The following MYO18A variants were observed in gnomAD, a reference collection of about 807,000 sequenced individuals.
MYO18A encodes the protein unconventional myosin-XVIIIa.
In MYO18A, 78 loss-of-function variants were observed where a neutral mutation model predicts 235.8. That is an observed-to-expected ratio of 0.33 (90% CI 0.28 to 0.40). The LOEUF (loss-of-function observed/expected upper bound fraction) is 0.40. MYO18A is among the 10% of genes least tolerant of loss of function. The probability of loss-of-function intolerance (pLI) is 1.00; values close to 1 mark genes in which losing one functional copy is unlikely to be tolerated. For synonymous variants in MYO18A, 977 were observed against 1,077.8 expected, an observed-to-expected ratio of 0.91 and a Z score of 1.83; for missense variants, 2,215 against 2,699.3, an observed-to-expected ratio of 0.82 and a Z score of 3.98.
chr17:29,086,413 A>C, intron 39 of MYO18A, 25 bp downstream of exon 39: 1 of 1,575,980 alleles, frequency 6.3e-7, no homozygotes, highest in Non-Finnish European at 8.6e-7. Flanking sequence ...TGCTAGCTGC[A>C]GATGCCCCAG....
At chr17:29,178,177 G>A (rs2068574452) in intron 1 of MYO18A, among the ~76,000 whole-genome samples, 1 of 152,196 alleles carries the variant, frequency 6.6e-6, no homozygotes, top group Non-Finnish European at 1.5e-5. Context: ...CAGCCCAGGA[G>A]TGAGGCTGAG....
At chr17:29,127,768 G>T in intron 2 of MYO18A, 3 of 814,064 alleles carry the variant, frequency 3.7e-6, no homozygotes, top group Non-Finnish European at 3.0e-6. Context: ...CGCTGAGGTC[G>T]CTTGGGGAAG....
chr17:29,091,456 G>A (rs1191528178), intron 34 of MYO18A: 1 of 353,678 alleles, frequency 2.8e-6, no homozygotes, highest in Non-Finnish European at 5.6e-6. Flanking sequence ...CTATTAGCCT[G>A]TAATTCCAAA....
chr17:29,173,060 G>A (rs1187820021), intron 1 of MYO18A, among the ~76,000 whole-genome samples: 1 of 151,754 alleles, frequency 6.6e-6, no homozygotes, highest in Non-Finnish European at 1.5e-5. Context: ...ACACAAATTG[G>A]TAGGTTGGTG....
Position 29,111,860 on chromosome 17 carries a change from G to C in MYO18A, c.2602C>G (p.Arg868Gly), listed in dbSNP as rs371971284. Residue 868 changes from arginine to glycine, a missense_variant, in exon 16 of 42, where the codon CGC becomes GGC. Arg to Gly is a moderately radical substitution (Grantham distance 125). Transcript: ENST00000527372. This position sits in a 1 kb window ranked among gnomAD's most constrained non-coding sequence, Gnocchi z 5.1. ...VDQASHQSLV[R>G]SLARTDEARG... ...GCCTCGTCTGTGCGGGCCAGCGAGC[G>C]GACCTACAGAGAAGGAAGGAAATCC... 2 of 1,607,664 alleles carry C rather than the reference G, an allele frequency of 1.2e-6. No individual in the cohort carries two copies. Among genetic ancestry groups the C allele is most frequent in the South Asian group, 1.1e-5 (1 of 90,442 alleles).
At chr17:29,132,959 C>T (rs1202679724) in intron 2 of MYO18A, among the ~76,000 whole-genome samples, 2 of 152,212 alleles carry the variant, frequency 1.3e-5, no homozygotes, top group African/African-American at 4.8e-5. Flanking sequence ...AGTTCTGGGG[C>T]ACACAGGTTA....
rs1453465498 is a variant in MYO18A at position 29,167,039 on chromosome 17, C to CA, written c.-81-19dup. On this transcript the variant is annotated intron_variant, in intron 1 of 41. Coordinates refer to ENST00000527372, the MANE Select transcript of MYO18A (RefSeq NM_078471.4). ...CTTTGCTGCTGCAAACAGAAACACA[C>CA]AGAGAGAAAGGTTATTCGAACAGAG... 105 of 1,437,216 alleles carry CA rather than the reference C, an allele frequency of 7.3e-5. No individual in the cohort carries two copies. Among genetic ancestry groups the CA allele is most frequent in the Non-Finnish European group, 9.1e-5 (100 of 1,093,264 alleles). The allele number at this position is 1,437,216 out of a possible 1,614,324, so 89.0% of individuals were successfully genotyped here.
Position 29,092,385 on chromosome 17 carries a change from G to C in MYO18A, c.5145C>G (p.Asp1715Glu). ...CGATGTCATCAATCTGCAGGTGCAG[G>C]TCTTCGATCTCCACCTCCATTGCTT... ...ARKAMEVEIE[D>E]LHLQIDDIAK... Residue 1715 changes from aspartate (D) to glutamate (E), a missense_variant, in exon 34 of 42, where the codon GAC (aspartate) becomes GAG (glutamate). Asp to Glu is a conservative substitution (Grantham distance 45, BLOSUM62 2). Transcript: ENST00000527372. 6.2e-7 allele frequency: 1 copy of C among 1,612,270 alleles called. No homozygotes were observed. Among genetic ancestry groups the C allele is most frequent in the Non-Finnish European group, 8.5e-7 (1 of 1,179,840 alleles).
intron 8 of MYO18A, 126 bp downstream of exon 8, chr17:29,119,209 C>T: frequency 3.0e-6 from 2 of 671,166 alleles, no homozygotes; most frequent in Non-Finnish European, 2.6e-6. Context: ...ACATAGCAGA[C>T]ATGCACTGAC....
intron 41 of MYO18A, chr17:29,079,661 C>T: frequency 1.0e-6 from 1 of 963,198 alleles, no homozygotes; most frequent in Non-Finnish European, 1.2e-6. Flanking sequence ...GCCTGAGGGG[C>T]AGGGAGGACG....
intron 38 of MYO18A, 81 bp downstream of exon 38, chr17:29,086,855 A>G: frequency 6.8e-7 from 1 of 1,459,956 alleles, no homozygotes; most frequent in Non-Finnish European, 9.2e-7. Context: ...CCCTATCCTC[A>G]ACCAGGCCAG....
Position 29,109,822 on chromosome 17 carries a change from AAG to A in MYO18A, c.3331+34_3331+35del, listed in dbSNP as rs2066883152. On this transcript the variant is annotated intron_variant, in intron 19 of 41. Coordinates refer to ENST00000527372, the MANE Select transcript of MYO18A (RefSeq NM_078471.4). The surrounding 1 kb of genome is among the most constrained non-coding windows in gnomAD (Gnocchi z 4.1). The stretch of plus-strand genomic sequence containing the variant: ...GGGCCGGGCAGGGCCAGCTCTGGAA[AAG>A]AGAGCCCAGAGTGGAGAGGAAAGGA... 5.8e-6 allele frequency: 9 copies of A among 1,539,908 alleles called. No individual in the cohort carries two copies. The highest frequency in any genetic ancestry group is 2.0e-5 in the Admixed American group (1 of 50,754).
intron 2 of MYO18A, among the ~76,000 whole-genome samples, chr17:29,139,991 C>CAAAAA (rs1264225503): frequency 1.3e-5 from 2 of 152,006 alleles, no homozygotes; most frequent in Non-Finnish European, 2.9e-5. Flanking sequence ...GAATGAAGGC[C>CAAAAA]AAAAAAGCAC....
chr17:29,080,300 G>C lies in MYO18A; in HGVS notation c.6020+2016C>G, dbSNP rs1461190450. 7 of 985,946 alleles carry C rather than the reference G, an allele frequency of 7.1e-6. No individual in the cohort carries two copies. The East Asian group carries it at 6.8e-4, about 96-fold the overall frequency. 61.1% of individuals were successfully genotyped at this position (985,946 alleles called of 1,614,324 possible). A position where few individuals can be genotyped will look rare whatever the true frequency, so the allele number is the denominator to read the frequency against. On this transcript the variant is annotated intron_variant, in intron 41 of 41. Transcript: ENST00000527372. ...AGGTCTGGGTCCAGGTAGGAGTGAC[G>C]GCTGACGGAGCGGACGCTGGAGCTG...
In MYO18A at chr17:29,106,979, A is replaced by G; in HGVS notation, c.3441+101T>C. The stretch of plus-strand genomic sequence containing the variant: ...CAAAACTGGGAGCCTGAGCAGGGCC[A>G]GATGAGCTGTCTCCAGGGAAGGGAA... On this transcript the variant is annotated intron_variant, in intron 20 of 41. Coordinates refer to ENST00000527372, the MANE Select transcript of MYO18A (RefSeq NM_078471.4). This position sits in a 1 kb window ranked among gnomAD's most constrained non-coding sequence, Gnocchi z 4.6. 1 of 1,158,836 alleles carries G rather than the reference A, an allele frequency of 8.6e-7. No homozygotes were observed. Among genetic ancestry groups the G allele is most frequent in the Non-Finnish European group, 1.3e-6 (1 of 780,352 alleles). The allele number at this position is 1,158,836 out of a possible 1,614,324, so 71.8% of individuals were successfully genotyped here. A position where few individuals can be genotyped will look rare whatever the true frequency, so the allele number is the denominator to read the frequency against.
Position 29,166,651 on chromosome 17 carries a change from A to C in MYO18A, c.290T>G (p.Leu97Arg). ...GTCATCGCTGGAGCTGGCTGTACTT[A>C]GGTGGCCCGAGTCCAGGATGACGCT... Reference protein sequence around the residue: ...RGSVILDSGHLSTASSSDDLK... With the variant: ...RGSVILDSGHRSTASSSDDLK... The change falls in exon 2 of 42, where the codon CTA becomes CGA. Residue 97 changes from leucine (L) to arginine (R), a missense_variant. Coordinates refer to ENST00000527372, the MANE Select transcript of MYO18A (RefSeq NM_078471.4). The C allele has an allele frequency of 1.2e-6, 2 of 1,613,762 alleles. No individual in the cohort carries two copies. Among genetic ancestry groups the C allele is most frequent in the Non-Finnish European group, 1.7e-6 (2 of 1,179,826 alleles).
chr17:29,091,191 A>G, intron 34 of MYO18A: 1 of 460,758 alleles, frequency 2.2e-6, no homozygotes, highest in Non-Finnish European at 3.9e-6. Context: ...CTTTGAGGCT[A>G]ATGAGAAGGC....
Position 29,118,342 on chromosome 17 carries a change from CAG to C in MYO18A, c.1893+33_1893+34del. The stretch of plus-strand genomic sequence containing the variant: ...GGAGGCTTCTCCTACCCCCAAGGCC[CAG>C]GGCTGGCAACCCAGACCCCACAGAC... On this transcript the variant is annotated intron_variant, in intron 9 of 41. Coordinates refer to ENST00000527372, the MANE Select transcript of MYO18A (RefSeq NM_078471.4). The surrounding 1 kb of genome is among the most constrained non-coding windows in gnomAD (Gnocchi z 4.2). 1 of 1,589,446 alleles carries C rather than the reference CAG, an allele frequency of 6.3e-7. No individual in the cohort carries two copies. Among genetic ancestry groups the C allele is most frequent in the Non-Finnish European group, 8.6e-7 (1 of 1,161,664 alleles).
In MYO18A at chr17:29,110,434, A is replaced by G; in HGVS notation, c.3087+2T>C. On this transcript the variant is annotated splice_donor_variant, in intron 18 of 41. Transcript: ENST00000527372. LOFTEE classifies it high-confidence loss of function. ...GCCTGCTGGGACCCGGCTGGCACTC[A>G]CCACCTGTAGCTTCATCTGGATGCA... 6.3e-7 allele frequency: 1 copy of G among 1,580,758 alleles called. No individual in the cohort carries two copies. The highest frequency in any genetic ancestry group is 8.6e-7 in the Non-Finnish European group (1 of 1,163,636).
Sources: gnomAD v4.1 joint callset for allele counts (sites outside exome capture counted in the v4.1 genomes callset) on GRCh38, gnomAD v4.1.1 for gene constraint, Gnocchi (gnomAD v3.1) non-coding constraint, MANE v1.5 for transcripts, NCBI Gene and HGNC (gene_info 2026-07-23, HGNC 2026-07-21) for gene names.